Variants in CA10 observed in about 807,000 individuals in gnomAD.
The protein encoded by CA10 is carbonic anhydrase 10 (inactive).
A neutral mutation model predicts 44.2 loss-of-function variants in CA10; 14 were observed. The observed-to-expected ratio is 0.32, with a 90% CI of 0.21 to 0.50. CA10 has a LOEUF of 0.50. CA10 is among the 20% of genes least tolerant of loss of function. CA10 has a pLI of 0.99. For synonymous variants in CA10, 159 were observed against 141.6 expected (o/e 1.12, Z -0.87); for missense variants, 350 against 409.7 (o/e 0.85, Z 1.26).
chr17:51,939,618 G>C (rs1002249068), intron 2 of CA10, among the ~76,000 whole-genome samples: 5 of 152,074 alleles, frequency 3.3e-5, no homozygotes, highest in Non-Finnish European at 7.4e-5. Context: ...TCTACAGGAA[G>C]AAATGGTATC....
chr17:51,784,004 C>T (rs1469739300), intron 3 of CA10, among the ~76,000 whole-genome samples: 4 of 152,066 alleles, frequency 2.6e-5, no homozygotes, highest in Non-Finnish European at 5.9e-5. Context: ...TGGAGTGCAG[C>T]GGGGATGGTA....
chr17:51,727,622 T>C (rs1916570740), intron 4 of CA10, among the ~76,000 whole-genome samples: 1 of 152,192 alleles, frequency 6.6e-6, no homozygotes, highest in African/African-American at 2.4e-5. Context: ...ATAATAATGA[T>C]ATTTCCTTAC....
intron 3 of CA10, among the ~76,000 whole-genome samples, chr17:51,791,527 C>T (rs741682): frequency 0.19 from 28,779 of 152,118 alleles, 3,217 homozygotes; most frequent in Middle Eastern, 0.34. Flanking sequence ...AGGAGAATAT[C>T]AACATAATTT....
chr17:52,115,769 C>T (rs1386641843), intron 1 of CA10, among the ~76,000 whole-genome samples: 1 of 152,210 alleles, frequency 6.6e-6, no homozygotes, highest in Non-Finnish European at 1.5e-5. Context: ...CTCTCCTGGC[C>T]AAGGGGTCCA....
chr17:51,710,676 T>C (rs1020428902), intron 4 of CA10, among the ~76,000 whole-genome samples: 1 of 151,976 alleles, frequency 6.6e-6, no homozygotes, highest in Non-Finnish European at 1.5e-5. Flanking sequence ...CTGCAAAACA[T>C]CCCCCGACTG....
intron 2 of CA10, among the ~76,000 whole-genome samples, chr17:52,047,729 A>T (rs1986950952): frequency 6.6e-6 from 1 of 151,984 alleles, no homozygotes; most frequent in African/African-American, 2.4e-5. Flanking sequence ...TAAAAAATTT[A>T]ATAATACTGT....
chr17:51,645,838 C>T (rs1222875065), intron 6 of CA10, among the ~76,000 whole-genome samples: 1 of 152,236 alleles, frequency 6.6e-6, no homozygotes, highest in Non-Finnish European at 1.5e-5. Flanking sequence ...TCCTCATCTT[C>T]ATCTCCTTGG....
chr17:51,931,326 T>C (rs1370340914), intron 2 of CA10, among the ~76,000 whole-genome samples, 194 bp from the exon 3 acceptor site: 1 of 152,136 alleles, frequency 6.6e-6, no homozygotes, highest in Non-Finnish European at 1.5e-5. Flanking sequence ...CTTACCTGCA[T>C]GGTCTCTTGT....
In CA10 at chr17:52,098,694, C is replaced by T. The variant is rs77999678; in HGVS notation, c.62-26301G>A. 2.3e-3 allele frequency among the ~76,000 whole-genome samples: 352 copies of T among 152,220 alleles called. 1 individual carries two copies. The highest frequency in any genetic ancestry group is 8.0e-3 in the African/African-American group (332 of 41,540). On this transcript the variant is annotated intron_variant, in intron 1 of 8. Transcript: ENST00000451037. ...ACACTAGTTTGGAGGCTAGTGACGT[C>T]GGGAGGGGCCTGTGATACCTACCTG...
chr17:51,953,360 A>G (rs769105903), intron 2 of CA10, among the ~76,000 whole-genome samples: 3 of 151,974 alleles, frequency 2.0e-5, no homozygotes, highest in Non-Finnish European at 4.4e-5. Context: ...CAGACTTTAA[A>G]TTGTATTCCA....
chr17:51,789,947 T>G (rs1906448236), intron 3 of CA10, among the ~76,000 whole-genome samples: 1 of 152,152 alleles, frequency 6.6e-6, no homozygotes, highest in Non-Finnish European at 1.5e-5. Context: ...AGTCACATTA[T>G]CTTACATCCC....
At chr17:52,001,137 C>G (rs1021486575) in intron 2 of CA10, among the ~76,000 whole-genome samples, 1 of 151,884 alleles carries the variant, frequency 6.6e-6, no homozygotes, top group African/African-American at 2.4e-5. Flanking sequence ...TCACTATGGT[C>G]CATGGGTCAA....
chr17:51,893,381 G>C (rs1223569654), intron 3 of CA10, among the ~76,000 whole-genome samples: 3 of 152,116 alleles, frequency 2.0e-5, no homozygotes, highest in African/African-American at 7.2e-5. Context: ...CATTTCTACT[G>C]GGGTATTTTG....
chr17:52,155,346 T>A (rs1369164226), intron 1 of CA10, among the ~76,000 whole-genome samples: 1 of 152,074 alleles, frequency 6.6e-6, no homozygotes, highest in Non-Finnish European at 1.5e-5. Context: ...CAGTCATGAG[T>A]AAATTAAAAC....
chr17:51,926,512 GGAGTTAGAAATCT>G (rs1357402020), intron 3 of CA10, among the ~76,000 whole-genome samples: 1 of 152,082 alleles, frequency 6.6e-6, no homozygotes, highest in Non-Finnish European at 1.5e-5. Flanking sequence ...TTATATTTGG[GGAGTTAGAAATCT>G]GAAATCAGTT....
At chr17:51,947,950 G>A (rs552982561) in intron 2 of CA10, among the ~76,000 whole-genome samples, 2 of 152,184 alleles carry the variant, frequency 1.3e-5, no homozygotes, top group African/African-American at 4.8e-5. Flanking sequence ...AAAAGAAAAA[G>A]TAGCTGGGGA....
At chr17:51,846,687 G>A (rs1466501868) in intron 3 of CA10, among the ~76,000 whole-genome samples, 1 of 152,166 alleles carries the variant, frequency 6.6e-6, no homozygotes, top group African/African-American at 2.4e-5. Flanking sequence ...CATCTGATTT[G>A]GAATTTTGAT....
intron 3 of CA10, among the ~76,000 whole-genome samples, chr17:51,849,163 GTA>G (rs199891093): frequency 0.037 from 3,364 of 90,186 alleles, 148 homozygotes; most frequent in African/African-American, 0.074. Context: ...ATACATATAT[GTA>G]TATATATATA....
intron 1 of CA10, among the ~76,000 whole-genome samples, chr17:52,089,167 A>T (rs1820324577): frequency 6.6e-6 from 1 of 152,226 alleles, no homozygotes; most frequent in Admixed American, 6.5e-5. Flanking sequence ...AAGGTCAAAA[A>T]GATAGGATAG....
Sources: allele counts gnomAD v4.1 joint callset (sites outside exome capture counted in the v4.1 genomes callset), GRCh38; gene constraint gnomAD v4.1.1; transcripts MANE v1.5; gene names NCBI Gene and HGNC (gene_info 2026-07-23, HGNC 2026-07-21).